Variants in RAD51B observed in about 807,000 individuals in gnomAD.
RAD51B encodes RAD51 paralog B, also known as DNA repair protein RAD51 homolog 2.
In RAD51B, 38 loss-of-function variants were observed where a neutral mutation model predicts 42.2. That is an observed-to-expected ratio of 0.90 (90% CI 0.70 to 1.18). RAD51B has a LOEUF of 1.18. RAD51B is among the 50% of genes most tolerant of loss of function. RAD51B has a pLI of 0.00. For missense variants in RAD51B, 373 were observed against 400.7 expected (o/e 0.93, Z 0.59); for synonymous variants, 154 against 145.2 (o/e 1.06, Z -0.43).
At chr14:68,682,861 A>T in intron 11 of RAD51B, 1 of 818,436 alleles carries the variant, frequency 1.2e-6, no homozygotes, top group Non-Finnish European at 1.5e-6. Flanking sequence ...ATTGCCTTTG[A>T]GTATCTCACA....
chr14:68,049,741 C>G (rs2076362491), intron 7 of RAD51B, among the ~76,000 whole-genome samples: 1 of 152,176 alleles, frequency 6.6e-6, no homozygotes, highest in African/African-American at 2.4e-5. Flanking sequence ...TCCTTGCCAG[C>G]CTTTTTGATG....
intron 7 of RAD51B, among the ~76,000 whole-genome samples, chr14:67,996,682 A>T (rs1000764994): frequency 2.0e-5 from 3 of 152,284 alleles, no homozygotes; most frequent in Admixed American, 2.0e-4. Context: ...TGGTCTGCTT[A>T]TGTAGGGGTT....
chr14:67,911,597 A>C (rs1477854485), intron 7 of RAD51B, among the ~76,000 whole-genome samples: 1 of 152,188 alleles, frequency 6.6e-6, no homozygotes, highest in Non-Finnish European at 1.5e-5. Context: ...GTCATGATAC[A>C]GTTTAAATAG....
chr14:68,386,042 C>T (rs1334848584), intron 8 of RAD51B, among the ~76,000 whole-genome samples: 1 of 152,200 alleles, frequency 6.6e-6, no homozygotes, highest in Non-Finnish European at 1.5e-5. Context: ...CACTTCATTG[C>T]TCTATTTCCC....
At chr14:68,350,995 C>A (rs2082774611) in intron 8 of RAD51B, among the ~76,000 whole-genome samples, 1 of 152,174 alleles carries the variant, frequency 6.6e-6, no homozygotes, top group African/African-American at 2.4e-5. Flanking sequence ...ATGGCTCTGG[C>A]CTTATTTTCA....
At chr14:68,209,480 G>T (rs137981728) in intron 7 of RAD51B, among the ~76,000 whole-genome samples, 1 of 152,284 alleles carries the variant, frequency 6.6e-6, no homozygotes, top group East Asian at 1.9e-4. Flanking sequence ...CTCCCACTAA[G>T]ATTCCCTTCT....
At chr14:68,069,304 A>G (rs369091311) in intron 7 of RAD51B, among the ~76,000 whole-genome samples, 1 of 151,984 alleles carries the variant, frequency 6.6e-6, no homozygotes, top group African/African-American at 2.4e-5. Flanking sequence ...TAGGTTCCAG[A>G]TATACATGTG....
At chr14:68,463,499 TATA>T (rs1190180138) in intron 9 of RAD51B, among the ~76,000 whole-genome samples, 1 of 152,200 alleles carries the variant, frequency 6.6e-6, no homozygotes, top group African/African-American at 2.4e-5. Flanking sequence ...TATGCTAGTA[TATA>T]ATATTACAGA....
chr14:68,663,603 A>G (rs1892977878), intron 11 of RAD51B, among the ~76,000 whole-genome samples: 1 of 152,172 alleles, frequency 6.6e-6, no homozygotes, highest in Non-Finnish European at 1.5e-5. Context: ...ATTCTGCTCA[A>G]TTACCCCATT....
chr14:68,217,565 A>G (rs529979456), intron 7 of RAD51B, among the ~76,000 whole-genome samples: 4 of 152,300 alleles, frequency 2.6e-5, no homozygotes, highest in South Asian at 2.1e-4. Flanking sequence ...GAATTGTGGT[A>G]TGGGGGGAAG....
At chr14:68,423,113 C>T (rs2084749986) in intron 9 of RAD51B, among the ~76,000 whole-genome samples, 1 of 152,162 alleles carries the variant, frequency 6.6e-6, no homozygotes, top group African/African-American at 2.4e-5. Context: ...TTGGAGAGCC[C>T]AGCTCCCATG....
intron 10 of RAD51B, among the ~76,000 whole-genome samples, chr14:68,561,192 G>A (rs1454776020): frequency 6.6e-6 from 1 of 152,190 alleles, no homozygotes; most frequent in Non-Finnish European, 1.5e-5. Context: ...CTCTTCGCAT[G>A]GTGCCCGCTT....
chr14:67,874,660 G>GT (rs1167511033), intron 5 of RAD51B, among the ~76,000 whole-genome samples: 2 of 151,944 alleles, frequency 1.3e-5, no homozygotes, highest in Non-Finnish European at 2.9e-5. Context: ...AAGATCTGCT[G>GT]TTTTTTTGTT....
intron 7 of RAD51B, among the ~76,000 whole-genome samples, chr14:68,253,019 G>T (rs967312222): frequency 5.3e-5 from 8 of 151,552 alleles, no homozygotes; most frequent in Non-Finnish European, 1.2e-4. Context: ...GGCGGCGGAG[G>T]TTGCAGTGAG....
chr14:68,344,159 G>T (rs10144669), intron 8 of RAD51B, among the ~76,000 whole-genome samples: 104,524 of 152,076 alleles, frequency 0.69, 36,076 homozygotes, highest in Non-Finnish European at 0.73. Context: ...GCCACCACCC[G>T]CCACGTCCCA....
At chr14:68,028,365 C>T (rs1165270383) in intron 7 of RAD51B, among the ~76,000 whole-genome samples, 2 of 152,200 alleles carry the variant, frequency 1.3e-5, no homozygotes, top group Admixed American at 1.3e-4. Context: ...TGGGCAGAAA[C>T]CATGGCAGGG....
intron 7 of RAD51B, among the ~76,000 whole-genome samples, chr14:68,226,684 T>C (rs1450227901): frequency 6.6e-6 from 1 of 152,158 alleles, no homozygotes; most frequent in Admixed American, 6.5e-5. Context: ...AACCCTCGGG[T>C]ATGTCTTTAT....
At chr14:68,512,847 A>T (rs1885827456) in intron 10 of RAD51B, among the ~76,000 whole-genome samples, 1 of 152,074 alleles carries the variant, frequency 6.6e-6, no homozygotes, top group South Asian at 2.1e-4. Flanking sequence ...ACTATTTTAC[A>T]CACAGTGGGG....
At chr14:68,200,656 AT>A (rs113988267) in intron 7 of RAD51B, among the ~76,000 whole-genome samples, 4 of 151,220 alleles carry the variant, frequency 2.6e-5, no homozygotes, top group African/African-American at 9.7e-5. Context: ...TAAATCAATA[AT>A]TTTTTTTTCT....
Sources: gnomAD v4.1 joint callset for allele counts (sites outside exome capture counted in the v4.1 genomes callset) on GRCh38, gnomAD v4.1.1 for gene constraint, MANE v1.5 for transcripts, NCBI Gene and HGNC (gene_info 2026-07-23, HGNC 2026-07-21) for gene names.